Variants in PRKN observed in about 807,000 individuals in gnomAD.
PRKN encodes E3 ubiquitin-protein ligase parkin.
In PRKN, 56 loss-of-function variants were observed where a neutral mutation model predicts 59.5. The observed-to-expected ratio is 0.94, with a 90% CI of 0.76 to 1.18. The LOEUF is 1.18. Ranked by LOEUF, PRKN falls within the 50% of genes most tolerant of loss-of-function variation. The probability of loss-of-function intolerance (pLI) is 0.00; values close to 1 mark genes in which losing one functional copy is unlikely to be tolerated. For missense variants in PRKN, 657 were observed against 596.4 expected (o/e 1.10, Z -1.06); for synonymous variants, 250 against 222.1 (o/e 1.13, Z -1.12).
chr6:162,397,732 C>T (rs765714395), intron 2 of PRKN, among the ~76,000 whole-genome samples: 5 of 152,028 alleles, frequency 3.3e-5, no homozygotes, highest in South Asian at 2.1e-4. Context: ...AGAGCACACT[C>T]GGCAGTAGAA....
At chr6:162,251,395 AAGGGGAGCCC>A (rs1779428697) in intron 3 of PRKN, among the ~76,000 whole-genome samples, 1 of 152,114 alleles carries the variant, frequency 6.6e-6, no homozygotes, top group Non-Finnish European at 1.5e-5. Flanking sequence ...ATGATGATCA[AAGGGGAGCCC>A]AGGTTATGTA....
intron 1 of PRKN, among the ~76,000 whole-genome samples, chr6:162,510,304 G>A (rs566924340): frequency 1.6e-4 from 24 of 152,298 alleles, no homozygotes; most frequent in African/African-American, 5.5e-4. Flanking sequence ...ACTGGAACTT[G>A]CCTTTCTGAG....
chr6:161,992,210 C>T (rs576715387), intron 5 of PRKN, among the ~76,000 whole-genome samples: 29 of 151,726 alleles, frequency 1.9e-4, no homozygotes, highest in South Asian at 8.3e-4. Flanking sequence ...GGGGTGGTGG[C>T]GCACCTGTAA....
intron 10 of PRKN, among the ~76,000 whole-genome samples, chr6:161,382,111 CAAAAAA>C (rs59174358): frequency 8.6e-5 from 4 of 46,280 alleles, no homozygotes; most frequent in East Asian, 7.0e-4. Flanking sequence ...GACTCCATCT[CAAAAAA>C]AAAAAAAAAA....
chr6:162,536,472 A>T (rs959472162), intron 1 of PRKN, among the ~76,000 whole-genome samples: 5 of 152,276 alleles, frequency 3.3e-5, no homozygotes, highest in Middle Eastern at 3.4e-3. Flanking sequence ...GCTTTAAAAA[A>T]AATAAAGACA....
intron 6 of PRKN, among the ~76,000 whole-genome samples, chr6:161,823,457 A>G (rs1418402324): frequency 6.6e-6 from 1 of 152,134 alleles, no homozygotes; most frequent in Non-Finnish European, 1.5e-5. Flanking sequence ...AATCCAAACA[A>G]ACGAATCTTT....
At chr6:161,726,045 G>A (rs1787427740) in intron 7 of PRKN, among the ~76,000 whole-genome samples, 1 of 152,180 alleles carries the variant, frequency 6.6e-6, no homozygotes, top group African/African-American at 2.4e-5. Flanking sequence ...TGAGGGCACT[G>A]ACTTCACTTC....
rs1368308042 is a variant in PRKN at position 161,460,245 on chromosome 6, T to C, written c.1084-73368A>G. 2.0e-5 allele frequency among the ~76,000 whole-genome samples: 3 copies of C among 152,206 alleles called. No homozygotes were observed. The highest frequency in any genetic ancestry group is 6.5e-5 in the Admixed American group (1 of 15,280). On this transcript the variant is annotated intron_variant, in intron 9 of 11. Transcript: ENST00000366898. This position sits in a 1 kb window ranked among gnomAD's most constrained non-coding sequence, Gnocchi z 5.0. ...CACAGAGGTTGCAACAAAAGATTAT[T>C]TTATTTAATTCTTGTTGATGGGCAC...
In PRKN at chr6:161,372,821, C is replaced by A. The variant is rs984143985; in HGVS notation, c.1168-12616G>T. 6.0e-5 allele frequency among the ~76,000 whole-genome samples: 9 copies of A among 149,074 alleles called. No homozygotes were observed. In the Admixed American group the frequency reaches 6.1e-4, roughly 10 times the overall value. On this transcript the variant is annotated intron_variant, in intron 10 of 11. Transcript: ENST00000366898. This position sits in a 1 kb window ranked among gnomAD's most constrained non-coding sequence, Gnocchi z 4.2. ...ACTGTGGTCAACAAAGACAGAGAGA[C>A]CCTATTTTTTTTTTTTTTTTTTTTT...
rs1217979925 is a variant in PRKN at position 161,397,091 on chromosome 6, T to C, written c.1084-10214A>G. 2.0e-5 allele frequency among the ~76,000 whole-genome samples: 3 copies of C among 152,192 alleles called. No homozygotes were observed. Among genetic ancestry groups the C allele is most frequent in the Admixed American group, 6.5e-5 (1 of 15,286 alleles). ...CTTCCCAAGCCCTGTTTCTTACTCA[T>C]ACCTCTATTAAACTGTTTCACCCTC... On this transcript the variant is annotated intron_variant, in intron 9 of 11. Coordinates refer to ENST00000366898, the MANE Select transcript of PRKN (RefSeq NM_004562.3). This position sits in a 1 kb window ranked among gnomAD's most constrained non-coding sequence, Gnocchi z 4.2.
At chr6:162,044,196 A>G (rs1784170374) in intron 5 of PRKN, among the ~76,000 whole-genome samples, 1 of 152,214 alleles carries the variant, frequency 6.6e-6, no homozygotes, top group Non-Finnish European at 1.5e-5. Flanking sequence ...CACCACAACC[A>G]TACTACAGAC....
rs1784896684 is a variant in PRKN at position 161,359,566 on chromosome 6, G to C, written c.1285+522C>G. ...GGTTGTGATGGCTTTGCCCTGAGTG[G>C]CATGTCCAGGATAGACAGCAGGAAG... On this transcript the variant is annotated intron_variant, in intron 11 of 11. Transcript: ENST00000366898. This position sits in a 1 kb window ranked among gnomAD's most constrained non-coding sequence, Gnocchi z 5.4. 6.6e-6 allele frequency among the ~76,000 whole-genome samples: 1 copy of C among 152,240 alleles called. No individual in the cohort carries two copies. Among genetic ancestry groups the C allele is most frequent in the Non-Finnish European group, 1.5e-5 (1 of 68,040 alleles).
chr6:162,025,582 G>GTTTTTT (rs1562468782), intron 5 of PRKN, among the ~76,000 whole-genome samples: 2 of 30,152 alleles, frequency 6.6e-5, no homozygotes, highest in African/African-American at 4.4e-4. Context: ...TATCCATGGT[G>GTTTTTT]CTTTTTTTTT....
intron 5 of PRKN, among the ~76,000 whole-genome samples, chr6:162,032,537 T>G (rs1783679578): frequency 6.6e-6 from 1 of 152,044 alleles, no homozygotes; most frequent in Non-Finnish European, 1.5e-5. Flanking sequence ...ACAAAATAAT[T>G]TCATGTTTAC....
chr6:161,999,493 T>C lies in PRKN; in HGVS notation c.619-26076A>G, dbSNP rs529513496. ...CAAGCAGTGAATCCCCATCTATGCA[T>C]GAGCAAATATTTCATGGCACGTCCA... On this transcript the variant is annotated intron_variant, in intron 5 of 11. Coordinates refer to ENST00000366898, the MANE Select transcript of PRKN (RefSeq NM_004562.3). Among the ~76,000 whole-genome samples, 6 of 152,266 alleles carry C rather than the reference T, an allele frequency of 3.9e-5. No individual in the cohort carries two copies. The East Asian group carries it at 1.2e-3, about 29-fold the overall frequency.
intron 5 of PRKN, among the ~76,000 whole-genome samples, chr6:162,004,744 G>A (rs555430256): frequency 2.2e-4 from 34 of 152,310 alleles, no homozygotes; most frequent in Admixed American, 1.6e-3. Flanking sequence ...CAGATGGTAT[G>A]TCTCCCCTGT....
In PRKN at chr6:161,399,753, A is replaced by G. The variant is rs1012884758; in HGVS notation, c.1084-12876T>C. On this transcript the variant is annotated intron_variant, in intron 9 of 11. Coordinates refer to ENST00000366898, the MANE Select transcript of PRKN (RefSeq NM_004562.3). The surrounding 1 kb of genome is among the most constrained non-coding windows in gnomAD (Gnocchi z 4.4). ...CTAGTGTAATTCACTCTGCTAGTGT[A>G]ATTCTGCAACACTTTTGTCTTTTTG... Among the ~76,000 whole-genome samples the G allele has an allele frequency of 6.6e-6, 1 of 152,138 alleles. No homozygotes were observed. Among genetic ancestry groups the G allele is most frequent in the Admixed American group, 6.5e-5 (1 of 15,272 alleles).
In PRKN at chr6:161,560,406, C is replaced by G. The variant is rs532734223; in HGVS notation, c.933+8949G>C. 2.7e-3 allele frequency among the ~76,000 whole-genome samples: 404 copies of G among 152,230 alleles called. 2 individuals carry two copies. Among genetic ancestry groups the G allele is most frequent in the African/African-American group, 9.1e-3 (379 of 41,556 alleles). On this transcript the variant is annotated intron_variant, in intron 8 of 11. Coordinates refer to ENST00000366898, the MANE Select transcript of PRKN (RefSeq NM_004562.3). The surrounding 1 kb of genome is among the most constrained non-coding windows in gnomAD (Gnocchi z 4.9). ...CTTGGGTTCCTCTCCCTTGCAAAAC[C>G]CACCACTCCTTTGAGACCCATGCTT... is the stretch of plus-strand genomic sequence containing the variant.
At chr6:161,902,552 A>ATCTATTTTT (rs1343265664) in intron 6 of PRKN, among the ~76,000 whole-genome samples, 25 of 121,062 alleles carry the variant, frequency 2.1e-4, no homozygotes, top group South Asian at 8.1e-4. Context: ...CTATCTATTT[A>ATCTATTTTT]TTTATTTATT....
Sources: allele counts gnomAD v4.1 joint callset (sites outside exome capture counted in the v4.1 genomes callset), GRCh38; gene constraint gnomAD v4.1.1; non-coding constraint Gnocchi (gnomAD v3.1); transcripts MANE v1.5; gene names NCBI Gene and HGNC (gene_info 2026-07-23, HGNC 2026-07-21).